Variants in SEMA3A observed in about 807,000 individuals in gnomAD.
SEMA3A encodes semaphorin-3A.
Under a neutral mutation model 97.9 loss-of-function variants are expected in SEMA3A, and 29 were observed. The ratio of observed to expected loss-of-function variants is 0.30; its 90% CI spans 0.22 to 0.40. The LOEUF is 0.40. Among genes scored for constraint, SEMA3A ranks in the 10% least tolerant of loss-of-function variants. The pLI, the probability that SEMA3A is intolerant of heterozygous loss-of-function variation, is 1.00. For missense variants in SEMA3A, 763 were observed against 951.3 expected, an observed-to-expected ratio of 0.80 and a Z score of 2.60; for synonymous variants, 321 against 323.7, an observed-to-expected ratio of 0.99 and a Z score of 0.09.
At chr7:84,039,592 A>C (rs1292605699) in intron 6 of SEMA3A, among the ~76,000 whole-genome samples, 2 of 152,142 alleles carry the variant, frequency 1.3e-5, no homozygotes. Flanking sequence ...ACTTAGGATT[A>C]GATGATAAAG....
chr7:84,424,499 ATAATATATAAATAT>A (rs1804694989), intron 1 of SEMA3A, among the ~76,000 whole-genome samples: 1 of 102,268 alleles, frequency 9.8e-6, no homozygotes, highest in Non-Finnish European at 1.7e-5. Flanking sequence ...TATATAATAT[ATAATATATAAATAT>A]TAATATATGT....
intron 1 of SEMA3A, among the ~76,000 whole-genome samples, chr7:84,395,564 G>A (rs1205456023): frequency 2.0e-5 from 3 of 151,602 alleles, no homozygotes; most frequent in African/African-American, 7.3e-5. Flanking sequence ...CATGTCAAGG[G>A]GGGGACCAGG....
In SEMA3A at chr7:84,127,636, G is replaced by C. The variant is rs539445869; in HGVS notation, c.333+1487C>G. Among the ~76,000 whole-genome samples, 40 of 152,252 alleles carry C rather than the reference G, an allele frequency of 2.6e-4. 1 individual carries two copies. The highest frequency in any genetic ancestry group is 9.6e-4 in the African/African-American group (40 of 41,566). ...TAATGTACAGGTATTAAGGATGGGG[G>C]ATACCTGTGCTTTGTGATCCTTTAT... On this transcript the variant is annotated intron_variant, in intron 3 of 16. Transcript: ENST00000265362.
intron 6 of SEMA3A, among the ~76,000 whole-genome samples, chr7:84,045,982 A>C (rs546604141): frequency 6.6e-6 from 1 of 151,324 alleles, no homozygotes; most frequent in South Asian, 2.1e-4. Flanking sequence ...AAAAAAAAAA[A>C]CTACACTGTA....
At chr7:84,172,343 T>C (rs374309585) in intron 1 of SEMA3A, among the ~76,000 whole-genome samples, 80 of 152,360 alleles carry the variant, frequency 5.3e-4, no homozygotes, top group African/African-American at 1.6e-3. Flanking sequence ...GCTCTATTTA[T>C]GGAACTGAAG....
chr7:84,007,221 G>T, intron 10 of SEMA3A, 132 bp downstream of exon 10: 1 of 663,596 alleles, frequency 1.5e-6, no homozygotes, highest in Non-Finnish European at 2.2e-6. Context: ...TCTTTGTCTT[G>T]CTTTAATTTA....
At chr7:84,445,473 G>A (rs148770790) in intron 1 of SEMA3A, among the ~76,000 whole-genome samples, 1,651 of 97,792 alleles carry the variant, frequency 0.017, 38 homozygotes, top group African/African-American at 0.059. Context: ...CAGCCTGGGC[G>A]ACAGAGTGAG....
chr7:84,086,298 T>A (rs563933854), intron 4 of SEMA3A, among the ~76,000 whole-genome samples: 1 of 151,846 alleles, frequency 6.6e-6, no homozygotes, highest in Non-Finnish European at 1.5e-5. Flanking sequence ...AGAATTAGCA[T>A]ACCTGGCTTT....
chr7:84,414,092 C>T (rs1804358100), intron 1 of SEMA3A, among the ~76,000 whole-genome samples: 1 of 151,884 alleles, frequency 6.6e-6, no homozygotes, highest in South Asian at 2.1e-4. Flanking sequence ...GTGGCTTAAC[C>T]CCGCACCAAC....
chr7:84,014,475 G>C, intron 6 of SEMA3A, 124 bp from the exon 7 acceptor site: 1 of 737,266 alleles, frequency 1.4e-6, no homozygotes, highest in Non-Finnish European at 2.1e-6. Context: ...TCTTTCGTTT[G>C]TTCATTTTGT....
chr7:84,418,963 A>G (rs1195159356), intron 1 of SEMA3A, among the ~76,000 whole-genome samples: 1 of 152,056 alleles, frequency 6.6e-6, no homozygotes, highest in African/African-American at 2.4e-5. Flanking sequence ...ATATACACAC[A>G]CACATACATA....
chr7:84,033,218 C>T (rs1791820698), intron 6 of SEMA3A, among the ~76,000 whole-genome samples: 1 of 152,026 alleles, frequency 6.6e-6, no homozygotes, highest in Non-Finnish European at 1.5e-5. Context: ...TCTTGAAACC[C>T]AAAAGTCACA....
At chr7:84,456,517 T>C (rs571444689) in intron 1 of SEMA3A, among the ~76,000 whole-genome samples, 2 of 151,864 alleles carry the variant, frequency 1.3e-5, no homozygotes, top group Non-Finnish European at 3.0e-5. Flanking sequence ...CATTCTACCA[T>C]GTAAAACTAG....
chr7:84,430,789 TTGTGTGTG>T (rs56814153), intron 1 of SEMA3A, among the ~76,000 whole-genome samples: 16 of 143,330 alleles, frequency 1.1e-4, no homozygotes, highest in Admixed American at 4.9e-4. Flanking sequence ...AACATAAAAT[TTGTGTGTG>T]TGTGTGTGTG....
Position 83,957,853 on chromosome 7 carries a change from G to A in SEMA3A, c.*3518C>T, listed in dbSNP as rs1447967895. 1 of 151,964 alleles carries A rather than the reference G, an allele frequency of 6.6e-6. No homozygotes were observed. Among genetic ancestry groups the A allele is most frequent in the Non-Finnish European group, 1.5e-5 (1 of 67,930 alleles). 9.4% of individuals were successfully genotyped at this position (151,964 alleles called of 1,614,324 possible). ...AGACCAGTTTAACATGTTATTACAC[G>A]ATACGGGGGTGTTGAATCCTATTTA... On this transcript the variant is annotated 3_prime_UTR_variant, in exon 17 of 17. Transcript: ENST00000265362.
intron 1 of SEMA3A, among the ~76,000 whole-genome samples, chr7:84,178,021 G>C (rs960124731): frequency 3.9e-5 from 6 of 152,100 alleles, no homozygotes; most frequent in African/African-American, 1.4e-4. Context: ...CAATTACTAT[G>C]TAATTCATCA....
intron 3 of SEMA3A, among the ~76,000 whole-genome samples, chr7:84,118,651 C>A (rs2115974149): frequency 6.6e-6 from 1 of 152,292 alleles, no homozygotes; most frequent in East Asian, 1.9e-4. Flanking sequence ...CTTTAAGTCA[C>A]CCAAATCGAC....
chr7:84,387,113 T>C (rs1321143900), intron 1 of SEMA3A, among the ~76,000 whole-genome samples: 1 of 152,142 alleles, frequency 6.6e-6, no homozygotes, highest in Non-Finnish European at 1.5e-5. Context: ...AGACATCTAT[T>C]CTGTATTTGG....
chr7:84,314,450 T>C (rs1017349699), intron 2 of SEMA3A, among the ~76,000 whole-genome samples: 6 of 152,152 alleles, frequency 3.9e-5, no homozygotes, highest in Admixed American at 2.0e-4. Context: ...GCAGAAGCTT[T>C]AAGATCCAGC....
Sources: gnomAD v4.1 joint callset for allele counts (sites outside exome capture counted in the v4.1 genomes callset) on GRCh38, gnomAD v4.1.1 for gene constraint, MANE v1.5 for transcripts, NCBI Gene and HGNC (gene_info 2026-07-23, HGNC 2026-07-21) for gene names.